The following AGBL1 variants were observed in gnomAD, a reference collection of about 807,000 sequenced individuals.
AGBL1 encodes the protein cytosolic carboxypeptidase 4.
A neutral mutation model predicts 118.9 loss-of-function variants in AGBL1; 130 were observed. That is an observed-to-expected ratio of 1.09 (90% CI 0.95 to 1.26). The LOEUF is 1.26. AGBL1 is among the 50% of genes most tolerant of loss of function. AGBL1 has a pLI of 0.00. For synonymous variants in AGBL1, 555 were observed against 478.9 expected, an observed-to-expected ratio of 1.16 and a Z score of -2.08; for missense variants, 1,584 against 1,298.1, an observed-to-expected ratio of 1.22 and a Z score of -3.38.
intron 5 of AGBL1, among the ~76,000 whole-genome samples, chr15:86,201,448 A>G (rs906732825): frequency 3.5e-4 from 53 of 152,222 alleles, no homozygotes; most frequent in Non-Finnish European, 7.1e-4. Flanking sequence ...TGTCTGAGAC[A>G]TTTGAAGGCA....
At chr15:86,518,879 A>G (rs2142193357) in intron 18 of AGBL1, among the ~76,000 whole-genome samples, 1 of 151,666 alleles carries the variant, frequency 6.6e-6, no homozygotes, top group African/African-American at 2.4e-5. Flanking sequence ...TTTCAAAGCT[A>G]AAAATGCAGC....
rs115066319 is a variant in AGBL1, at chr15:86,639,538, C to T, written c.2995-34735C>T. On this transcript the variant is annotated intron_variant, in intron 21 of 22. Coordinates refer to ENST00000614907, the MANE Select transcript of AGBL1 (RefSeq NM_001386094.1). The stretch of plus-strand genomic sequence containing the variant: ...GCCATGCATCTTCTGTGCCACACCT[C>T]CTCTGAATTCCAGTTTTTCCCTCCC... Among the ~76,000 whole-genome samples the T allele has an allele frequency of 5.2e-3, 787 of 152,282 alleles. 4 individuals are homozygous for T. Among genetic ancestry groups the T allele is most frequent in the African/African-American group, 0.018 (754 of 41,562 alleles).
intron 17 of AGBL1, among the ~76,000 whole-genome samples, chr15:86,380,191 T>C (rs1300104768): frequency 6.6e-6 from 1 of 151,906 alleles, no homozygotes; most frequent in African/African-American, 2.4e-5. Flanking sequence ...AGACAGATAT[T>C]CTGGACCCAG....
chr15:86,552,303 A>C (rs1349618570), intron 20 of AGBL1, among the ~76,000 whole-genome samples: 2 of 152,116 alleles, frequency 1.3e-5, no homozygotes, highest in Non-Finnish European at 2.9e-5. Context: ...AACTGCTTTA[A>C]ATAAAGCCTT....
rs567410628 is a variant in AGBL1 at position 86,735,833 on chromosome 15, A to G, written c.3158+61397A>G. 2.0e-5 allele frequency among the ~76,000 whole-genome samples: 3 copies of G among 152,158 alleles called. No homozygotes were observed. In the South Asian group the frequency reaches 6.2e-4, roughly 32 times the overall value. Reference sequence around the variant, plus strand: ...GCCTGGCATGTAGCAAGCGCTCTGTAAACAGTAGCAGGGGTGCCGTACCTC... The same window carrying G: ...GCCTGGCATGTAGCAAGCGCTCTGTGAACAGTAGCAGGGGTGCCGTACCTC... On this transcript the variant is annotated intron_variant, in intron 22 of 22. Transcript: ENST00000614907.
chr15:86,523,021 G>A, intron 19 of AGBL1, 82 bp downstream of exon 19: 2 of 1,510,506 alleles, frequency 1.3e-6, no homozygotes, highest in Non-Finnish European at 9.2e-7. Flanking sequence ...GCCAAGGCAA[G>A]AATAGACAAT....
chr15:86,884,516 TAAAAAC>T (rs1259444558), intron 22 of AGBL1, among the ~76,000 whole-genome samples: 2 of 152,160 alleles, frequency 1.3e-5, no homozygotes, highest in African/African-American at 4.8e-5. Context: ...ATAAAAAAGT[TAAAAAC>T]AAACTATAGG....
intron 21 of AGBL1, among the ~76,000 whole-genome samples, chr15:86,654,914 T>G (rs182718849): frequency 2.0e-5 from 3 of 152,078 alleles, no homozygotes. Flanking sequence ...GGAATCTCTC[T>G]CAGTAGGGTT....
At chr15:86,768,136 C>T (rs2078122774) in intron 22 of AGBL1, among the ~76,000 whole-genome samples, 2 of 151,900 alleles carry the variant, frequency 1.3e-5, no homozygotes, top group African/African-American at 4.8e-5. Flanking sequence ...GGGAACATTG[C>T]ATTACAGCTG....
chr15:86,377,458 A>G (rs1463642511), intron 17 of AGBL1, among the ~76,000 whole-genome samples: 1 of 152,114 alleles, frequency 6.6e-6, no homozygotes, highest in Non-Finnish European at 1.5e-5. Flanking sequence ...CTCTAGCAGC[A>G]TTTTTGCTCT....
chr15:86,323,609 A>G (rs2080138735), intron 17 of AGBL1, among the ~76,000 whole-genome samples: 1 of 152,192 alleles, frequency 6.6e-6, no homozygotes, highest in Non-Finnish European at 1.5e-5. Context: ...CCAGTGCAAA[A>G]TCCTGCTTGC....
chr15:86,352,023 G>C (rs951733832), intron 17 of AGBL1, among the ~76,000 whole-genome samples: 7 of 152,168 alleles, frequency 4.6e-5, no homozygotes, highest in Non-Finnish European at 1.0e-4. Context: ...CCCAATGCCT[G>C]AACAACATTA....
At chr15:86,345,948 A>G (rs1595995348) in intron 17 of AGBL1, among the ~76,000 whole-genome samples, 1 of 149,728 alleles carries the variant, frequency 6.7e-6, no homozygotes, top group Non-Finnish European at 1.5e-5. Context: ...TCTTTCATCA[A>G]TTCTCTCTTT....
intron 6 of AGBL1, among the ~76,000 whole-genome samples, chr15:86,230,254 G>A (rs1348804199): frequency 6.6e-6 from 1 of 152,142 alleles, no homozygotes; most frequent in Non-Finnish European, 1.5e-5. Flanking sequence ...CTGTGACCTG[G>A]CAATCAGCAA....
chr15:86,242,001 T>A lies in AGBL1; in HGVS notation c.527-5670T>A, dbSNP rs911649404. Among the ~76,000 whole-genome samples the A allele has an allele frequency of 3.3e-5, 5 of 152,336 alleles. No homozygotes were observed. The East Asian group carries it at 5.8e-4, about 18-fold the overall frequency. ...TCATGAGAGTGGGTCTTTCCCATGC[T>A]GTTCTTATGATAGTTAATAAGTCTC... On this transcript the variant is annotated intron_variant, in intron 6 of 22. Coordinates refer to ENST00000614907, the MANE Select transcript of AGBL1 (RefSeq NM_001386094.1).
intron 23 of AGBL1, among the ~76,000 whole-genome samples, chr15:86,948,621 A>T (rs567951141): frequency 6.6e-6 from 1 of 152,200 alleles, no homozygotes; most frequent in Non-Finnish European, 1.5e-5. Context: ...GAGTGATTGA[A>T]TGCGTGTGAT....
intron 22 of AGBL1, among the ~76,000 whole-genome samples, chr15:86,712,126 A>G (rs893581353): frequency 3.9e-5 from 6 of 152,154 alleles, no homozygotes; most frequent in Non-Finnish European, 5.9e-5. Flanking sequence ...ATACTAACCT[A>G]AGCTACTAAT....
At chr15:86,092,690 G>T (rs941382172) in intron 1 of AGBL1, among the ~76,000 whole-genome samples, 8 of 152,024 alleles carry the variant, frequency 5.3e-5, no homozygotes, top group African/African-American at 1.9e-4. Context: ...TAGAGCCTGG[G>T]AATTCCAAGA....
intron 2 of AGBL1, among the ~76,000 whole-genome samples, 175 bp downstream of exon 2, chr15:86,142,242 CTGTT>C (rs1307274184): frequency 2.0e-5 from 3 of 152,200 alleles, no homozygotes; most frequent in Non-Finnish European, 4.4e-5. Context: ...GTAACCTGGA[CTGTT>C]TGTACTTGCA....
Sources: gnomAD v4.1 joint callset for allele counts (sites outside exome capture counted in the v4.1 genomes callset) on GRCh38, gnomAD v4.1.1 for gene constraint, MANE v1.5 for transcripts, NCBI Gene and HGNC (gene_info 2026-07-23, HGNC 2026-07-21) for gene names.